The following NXPE2 variants were observed in gnomAD, a reference collection of about 807,000 sequenced individuals.
NXPE2 encodes the protein neurexophilin and PC-esterase domain family member 2.
Under a neutral mutation model 34.4 loss-of-function variants are expected in NXPE2, and 34 were observed. That is an observed-to-expected ratio of 0.99 (90% CI 0.75 to 1.31). NXPE2 has a LOEUF of 1.31. Ranked by LOEUF, NXPE2 falls within the 40% of genes most tolerant of loss-of-function variation. The probability of loss-of-function intolerance (pLI) is 0.00; values close to 1 mark genes in which losing one functional copy is unlikely to be tolerated. For synonymous variants in NXPE2, 235 were observed against 231.3 expected, an observed-to-expected ratio of 1.02 and a Z score of -0.15; for missense variants, 649 against 672.5, an observed-to-expected ratio of 0.97 and a Z score of 0.39.
the NXPE2 span, among the ~76,000 whole-genome samples, chr11:114,808,499 T>G: frequency 7.0e-6 from 1 of 143,574 alleles, no homozygotes; most frequent in Non-Finnish European, 1.5e-5. Context: ...CAATAAAAAA[T>G]GATAAAGGGG....
chr11:114,683,463 C>T (rs1299255185), intron 2 of NXPE2, among the ~76,000 whole-genome samples: 4 of 150,554 alleles, frequency 2.7e-5, no homozygotes, highest in Non-Finnish European at 5.9e-5. Context: ...GCTCTGTCAC[C>T]AGGCTGAAGT....
At chr11:114,771,841 A>G in the NXPE2 span, among the ~76,000 whole-genome samples, 1 of 152,242 alleles carries the variant, frequency 6.6e-6, no homozygotes, top group East Asian at 1.9e-4. Flanking sequence ...TCAGTCCCCA[A>G]AGGTCCTTAT....
chr11:114,803,525 T>G, the NXPE2 span, among the ~76,000 whole-genome samples: 1 of 151,860 alleles, frequency 6.6e-6, no homozygotes, highest in Non-Finnish European at 1.5e-5. Flanking sequence ...TGGTGCCTTA[T>G]AGCTGTGTCA....
chr11:114,527,801 C>T, the NXPE2 span: 2 of 1,461,378 alleles, frequency 1.4e-6, no homozygotes, highest in Non-Finnish European at 9.4e-7. Context: ...ATAAAAGTTT[C>T]CTCTGAGCAT....
At chr11:114,812,741 T>C in the NXPE2 span, among the ~76,000 whole-genome samples, 6 of 152,100 alleles carry the variant, frequency 3.9e-5, no homozygotes, top group African/African-American at 1.2e-4. Context: ...CTGCTTCTGA[T>C]CTTTGCAAAA....
the NXPE2 span, among the ~76,000 whole-genome samples, chr11:114,773,488 C>G: frequency 6.6e-6 from 1 of 152,140 alleles, no homozygotes; most frequent in Non-Finnish European, 1.5e-5. Context: ...ACTTGCCCCC[C>G]ACTTCTGGGC....
At chr11:114,541,095 C>T in the NXPE2 span, among the ~76,000 whole-genome samples, 1 of 151,966 alleles carries the variant, frequency 6.6e-6, no homozygotes, top group African/African-American at 2.4e-5. Context: ...TTACTTATAA[C>T]CACAGGTTGG....
At chr11:114,589,802 G>T in the NXPE2 span, among the ~76,000 whole-genome samples, 1 of 152,008 alleles carries the variant, frequency 6.6e-6, no homozygotes, top group African/African-American at 2.4e-5. Flanking sequence ...AAGATGCAGG[G>T]CCTCCTTAAA....
At chr11:114,646,092 A>T in the NXPE2 span, among the ~76,000 whole-genome samples, 1 of 152,006 alleles carries the variant, frequency 6.6e-6, no homozygotes, top group Non-Finnish European at 1.5e-5. Context: ...CTTCCCTTCA[A>T]CTTCTTTTAT....
At chr11:114,524,184 A>C in the NXPE2 span, among the ~76,000 whole-genome samples, 7 of 152,316 alleles carry the variant, frequency 4.6e-5, no homozygotes, top group South Asian at 1.4e-3. Context: ...TTAAAGCATG[A>C]CCTAGAAGTT....
At chr11:114,659,386 A>G in the NXPE2 span, among the ~76,000 whole-genome samples, 1 of 152,074 alleles carries the variant, frequency 6.6e-6, no homozygotes, top group Non-Finnish European at 1.5e-5. Flanking sequence ...GCATGAGGAA[A>G]GAATCAGTGA....
the NXPE2 span, among the ~76,000 whole-genome samples, chr11:114,577,099 A>C: frequency 5.0e-5 from 7 of 140,476 alleles, no homozygotes; most frequent in South Asian, 2.2e-4. Flanking sequence ...ATATATATAA[A>C]GTTATATATA....
At chr11:114,639,925 ATATAT>A in the NXPE2 span, among the ~76,000 whole-genome samples, 3 of 115,644 alleles carry the variant, frequency 2.6e-5, no homozygotes, top group East Asian at 2.5e-4. Context: ...ATATTATATT[ATATAT>A]TATATTAAAT....
the NXPE2 span, among the ~76,000 whole-genome samples, chr11:114,509,924 T>G: frequency 6.6e-6 from 1 of 151,972 alleles, no homozygotes; most frequent in Non-Finnish European, 1.5e-5. Context: ...GAACTTAAAA[T>G]GAAAGTTAAA....
At chr11:114,742,187 G>A in the NXPE2 span, among the ~76,000 whole-genome samples, 1 of 152,136 alleles carries the variant, frequency 6.6e-6, no homozygotes, top group Non-Finnish European at 1.5e-5. Context: ...CAGTTCCACA[G>A]CACTTGTTGT....
chr11:114,621,885 G>A, the NXPE2 span, among the ~76,000 whole-genome samples: 38 of 152,002 alleles, frequency 2.5e-4, no homozygotes, highest in Admixed American at 6.5e-4. Flanking sequence ...TGGATAATAA[G>A]TATTGATTTG....
At chr11:114,627,276 C>T in the NXPE2 span, among the ~76,000 whole-genome samples, 4 of 151,952 alleles carry the variant, frequency 2.6e-5, no homozygotes, top group African/African-American at 7.2e-5. Context: ...AGAGAAAGGT[C>T]GGGTTACCCT....
the NXPE2 span, among the ~76,000 whole-genome samples, chr11:114,641,178 T>G: frequency 6.6e-6 from 1 of 151,442 alleles, no homozygotes; most frequent in East Asian, 1.9e-4. Context: ...GCTGAAGAAC[T>G]CTCCCAGAAA....
the NXPE2 span, among the ~76,000 whole-genome samples, chr11:114,798,784 G>C: frequency 2.0e-5 from 3 of 152,082 alleles, no homozygotes; most frequent in Non-Finnish European, 4.4e-5. Context: ...TCTTTGTGTT[G>C]CTCTAGTCTT....
Sources: allele counts gnomAD v4.1 joint callset (sites outside exome capture counted in the v4.1 genomes callset), GRCh38; gene constraint gnomAD v4.1.1; transcripts MANE v1.5; gene names NCBI Gene and HGNC (gene_info 2026-07-23, HGNC 2026-07-21).